The following CHCHD6 variants were observed in gnomAD, a reference collection of about 807,000 sequenced individuals.
CHCHD6 encodes the protein coiled-coil-helix-coiled-coil-helix domain containing 6.
A neutral mutation model predicts 32.3 loss-of-function variants in CHCHD6; 28 were observed. The ratio of observed to expected loss-of-function variants is 0.87; its 90% CI spans 0.64 to 1.19. The LOEUF (loss-of-function observed/expected upper bound fraction) is 1.19, where lower values mean the gene tolerates loss of function less well. Among genes scored for constraint, CHCHD6 ranks in the 50% most tolerant of loss-of-function variants. The pLI is 0.00. For synonymous variants in CHCHD6, 122 were observed against 117.5 expected (o/e 1.04, Z -0.25); for missense variants, 333 against 307.0 (o/e 1.08, Z -0.63).
intron 7 of CHCHD6, chr3:126,957,770 G>C (rs1448520468): frequency 1.6e-6 from 1 of 632,552 alleles, no homozygotes; most frequent in African/African-American, 1.8e-5. Context: ...TGGCCCCAGG[G>C]AGATGATCCC....
At chr3:126,736,301 G>A (rs1250674038) in intron 4 of CHCHD6, among the ~76,000 whole-genome samples, 1 of 152,080 alleles carries the variant, frequency 6.6e-6, no homozygotes, top group Non-Finnish European at 1.5e-5. Flanking sequence ...GGCAGTGTGT[G>A]GATCACAGCA....
chr3:126,957,478 A>G lies in CHCHD6; in HGVS notation c.629A>G (p.Asp210Gly). 1 of 1,608,426 alleles carries G rather than the reference A, an allele frequency of 6.2e-7. No individual in the cohort carries two copies. The highest frequency in any genetic ancestry group is 2.2e-5 in the East Asian group (1 of 44,530). The part of the protein sequence containing the change: ...LQAQILHCYR[D>G]RPHEVLLCSD... ...GCCCAGATTCTCCACTGCTACCGAG[A>G]TCGCCCGCATGAGGTGCTGCTGTGC... Residue 210 changes from aspartate to glycine, a missense_variant, in exon 7 of 8, where the codon GAT becomes GGT. Coordinates refer to ENST00000290913, the MANE Select transcript of CHCHD6 (RefSeq NM_032343.3).
At chr3:126,941,248 T>C (rs1370626711) in intron 6 of CHCHD6, among the ~76,000 whole-genome samples, 1 of 152,230 alleles carries the variant, frequency 6.6e-6, no homozygotes, top group African/African-American at 2.4e-5. Context: ...CATTTTATTT[T>C]TTCCAAACAA....
intron 4 of CHCHD6, among the ~76,000 whole-genome samples, chr3:126,820,715 C>T (rs536667148): frequency 3.3e-5 from 5 of 152,234 alleles, no homozygotes; most frequent in African/African-American, 1.2e-4. Flanking sequence ...AGAGTATATG[C>T]GCTTTTAGCT....
Position 126,838,458 on chromosome 3 carries a change from C to T in CHCHD6, c.412-14189C>T, listed in dbSNP as rs75231466. Among the ~76,000 whole-genome samples, 288 of 152,286 alleles carry T rather than the reference C, an allele frequency of 1.9e-3. 1 individual carries two copies. The highest frequency in any genetic ancestry group is 5.3e-3 in the African/African-American group (220 of 41,554). On this transcript the variant is annotated intron_variant, in intron 4 of 7. Coordinates refer to ENST00000290913, the MANE Select transcript of CHCHD6 (RefSeq NM_032343.3). Reference sequence around the variant, plus strand: ...TCAACAATGCCTGTTCAGCTCTGCCCCTCCTCACTCTTCCAGGCTTGGGCC... The same window carrying T: ...TCAACAATGCCTGTTCAGCTCTGCCTCTCCTCACTCTTCCAGGCTTGGGCC...
chr3:126,737,777 T>A (rs1009022417), intron 4 of CHCHD6, among the ~76,000 whole-genome samples: 1 of 151,700 alleles, frequency 6.6e-6, no homozygotes, highest in Non-Finnish European at 1.5e-5. Context: ...GGCCACGCAT[T>A]TGGGGAGGAT....
chr3:126,936,386 T>C (rs1422268343), intron 6 of CHCHD6, among the ~76,000 whole-genome samples: 1 of 152,224 alleles, frequency 6.6e-6, no homozygotes, highest in East Asian at 1.9e-4. Context: ...TGGCCACATA[T>C]GGCTATTGAA....
chr3:126,828,745 C>G (rs890494704), intron 4 of CHCHD6, among the ~76,000 whole-genome samples: 2 of 152,186 alleles, frequency 1.3e-5, no homozygotes, highest in African/African-American at 2.4e-5. Context: ...CAGGGTCTAC[C>G]TGCCTTTCAG....
chr3:126,902,953 C>T (rs1185990516), intron 5 of CHCHD6, among the ~76,000 whole-genome samples: 2 of 152,056 alleles, frequency 1.3e-5, no homozygotes, highest in African/African-American at 4.8e-5. Context: ...GCCATACTGC[C>T]GAAGACTGAG....
At chr3:126,736,421 A>T (rs999723387) in intron 4 of CHCHD6, among the ~76,000 whole-genome samples, 1 of 152,158 alleles carries the variant, frequency 6.6e-6, no homozygotes, top group East Asian at 1.9e-4. Context: ...CTACCCCTGT[A>T]GCCCTCCCTG....
chr3:126,800,296 T>C (rs1251882840), intron 4 of CHCHD6, among the ~76,000 whole-genome samples: 1 of 152,114 alleles, frequency 6.6e-6, no homozygotes, highest in African/African-American at 2.4e-5. Context: ...CCAAGCCCAA[T>C]TAAAAGGAGA....
At chr3:126,865,133 C>CTCCTTT (rs1942235908) in intron 5 of CHCHD6, among the ~76,000 whole-genome samples, 1 of 112,564 alleles carries the variant, frequency 8.9e-6, no homozygotes, top group Non-Finnish European at 1.9e-5. Context: ...CCTCCTCCTC[C>CTCCTTT]TCCACCACCA....
intron 4 of CHCHD6, among the ~76,000 whole-genome samples, chr3:126,788,544 T>A (rs1424237815): frequency 1.3e-5 from 2 of 152,240 alleles, no homozygotes; most frequent in African/African-American, 4.8e-5. Flanking sequence ...TCTTCCTGGT[T>A]TAGTCTTGGG....
At chr3:126,897,589 TACTCACTGGCGCTGTGACCTTGAACA>T (rs1447927446) in intron 5 of CHCHD6, among the ~76,000 whole-genome samples, 7 of 152,220 alleles carry the variant, frequency 4.6e-5, no homozygotes, top group African/African-American at 1.7e-4. Context: ...TTTCCTCCAC[TACTCACTGGCGCTGTGACCTTGAACA>T]ACATTCTTCA....
chr3:126,754,222 G>A (rs2107669347), intron 4 of CHCHD6, among the ~76,000 whole-genome samples: 1 of 152,318 alleles, frequency 6.6e-6, no homozygotes, highest in African/African-American at 2.4e-5. Context: ...TTGGTTAAGT[G>A]TCTCTGGGCA....
intron 4 of CHCHD6, among the ~76,000 whole-genome samples, chr3:126,770,209 G>T (rs981755441): frequency 6.6e-6 from 1 of 152,150 alleles, no homozygotes; most frequent in African/African-American, 2.4e-5. Context: ...CTGAAACTGT[G>T]CTGAAGTTGT....
chr3:126,797,904 G>A (rs369164180), intron 4 of CHCHD6, among the ~76,000 whole-genome samples: 87 of 152,286 alleles, frequency 5.7e-4, no homozygotes, highest in African/African-American at 2.0e-3. Flanking sequence ...GGGCGCCTCC[G>A]TGCCAGTGTC....
At chr3:126,737,607 C>T (rs552268942) in intron 4 of CHCHD6, among the ~76,000 whole-genome samples, 3 of 152,042 alleles carry the variant, frequency 2.0e-5, no homozygotes, top group South Asian at 2.1e-4. Flanking sequence ...GGAAGACACT[C>T]GAGGAGCAAG....
At chr3:126,780,116 A>G (rs1937862215) in intron 4 of CHCHD6, among the ~76,000 whole-genome samples, 2 of 152,200 alleles carry the variant, frequency 1.3e-5, no homozygotes, top group Non-Finnish European at 2.9e-5. Flanking sequence ...TCTCAGTGTG[A>G]TGCATCTGTG....
Sources: gnomAD v4.1 joint callset for allele counts (sites outside exome capture counted in the v4.1 genomes callset) on GRCh38, gnomAD v4.1.1 for gene constraint, MANE v1.5 for transcripts, NCBI Gene and HGNC (gene_info 2026-07-23, HGNC 2026-07-21) for gene names.